FARP2: variants seen among roughly 807,000 people sequenced by gnomAD.
FARP2 encodes FERM, ARHGEF and pleckstrin domain-containing protein 2.
A neutral mutation model predicts 130.5 loss-of-function variants in FARP2; 111 were observed. The observed-to-expected ratio is 0.85, with a 90% CI of 0.73 to 1.00. The LOEUF is 1.00. FARP2 is among the 50% of genes least tolerant of loss of function. FARP2 has a pLI of 0.00. For synonymous variants in FARP2, 504 were observed against 516.9 expected (o/e 0.98, Z 0.34); for missense variants, 1,385 against 1,346.3 (o/e 1.03, Z -0.45).
At chr2:241,437,056 T>C (rs947213406) in intron 12 of FARP2, among the ~76,000 whole-genome samples, 10 of 152,092 alleles carry the variant, frequency 6.6e-5, no homozygotes, top group Non-Finnish European at 1.5e-4. Flanking sequence ...CACAAAATCC[T>C]GACAACTCTC....
chr2:241,435,039 T>G lies in FARP2; in HGVS notation c.1100+9T>G. 1.3e-6 allele frequency: 2 copies of G among 1,517,448 alleles called. No individual in the cohort carries two copies. The highest frequency in any genetic ancestry group is 9.1e-7 in the Non-Finnish European group (1 of 1,103,798). 94.0% of individuals were successfully genotyped at this position (1,517,448 alleles called of 1,614,324 possible). A position where few individuals can be genotyped will look rare whatever the true frequency, so the allele number is the denominator to read the frequency against. On this transcript the variant is annotated intron_variant, in intron 11 of 26. Transcript: ENST00000264042. ...AGAATTCCATATGAAAGGTAAGCTC[T>G]GGCCTTTATGATGTAAAGTGTGTGC...
chr2:241,451,080 G>A (rs2063645795), intron 13 of FARP2, among the ~76,000 whole-genome samples: 1 of 152,142 alleles, frequency 6.6e-6, no homozygotes, highest in African/African-American at 2.4e-5. Context: ...CACCTCCTGA[G>A]TAGCTGGGAC....
chr2:241,418,255 A>T (rs1463764621), intron 8 of FARP2, 146 bp downstream of exon 8: 1 of 783,228 alleles, frequency 1.3e-6, no homozygotes, highest in Admixed American at 2.6e-5. Context: ...ATATCATCCA[A>T]TCCAACCTCT....
chr2:241,405,791 A>G lies in FARP2; in HGVS notation c.331+950A>G, dbSNP rs555913848. Among the ~76,000 whole-genome samples the G allele has an allele frequency of 1.6e-4, 24 of 152,176 alleles. No individual in the cohort carries two copies. The South Asian group carries it at 4.4e-3, about 28-fold the overall frequency. On this transcript the variant is annotated intron_variant, in intron 4 of 26. Coordinates refer to ENST00000264042, the MANE Select transcript of FARP2 (RefSeq NM_014808.4). Reference sequence around the variant, plus strand: ...TCTACTAAAAATACAAAAATTAGCTAGGCGTGATGGCGCATGCCTATAATC... The same window carrying G: ...TCTACTAAAAATACAAAAATTAGCTGGGCGTGATGGCGCATGCCTATAATC...
chr2:241,429,558 T>G (rs1033077691), intron 8 of FARP2, among the ~76,000 whole-genome samples: 2 of 152,150 alleles, frequency 1.3e-5, no homozygotes, highest in Non-Finnish European at 2.9e-5. Context: ...GTAACATTGA[T>G]CACTTGGTCA....
chr2:241,412,379 G>GT (rs1343224676), intron 6 of FARP2, among the ~76,000 whole-genome samples: 1 of 152,122 alleles, frequency 6.6e-6, no homozygotes, highest in Admixed American at 6.5e-5. Flanking sequence ...CAGCCAAACC[G>GT]TATCAAATGT....
At chr2:241,481,313 A>G (rs2064610228) in intron 19 of FARP2, among the ~76,000 whole-genome samples, 1 of 152,218 alleles carries the variant, frequency 6.6e-6, no homozygotes, top group African/African-American at 2.4e-5. Flanking sequence ...TGGGCCAGTT[A>G]CTTTCTGTCA....
chr2:241,465,838 G>A (rs1461572297), intron 17 of FARP2: 2 of 1,535,268 alleles, frequency 1.3e-6, no homozygotes, highest in Admixed American at 2.0e-5. Flanking sequence ...CTCACACCTA[G>A]AGTTCCCAAG....
rs1473796356 is a variant in FARP2, at chr2:241,459,295, T to C, written c.1587+2373T>C. 6.6e-6 allele frequency among the ~76,000 whole-genome samples: 1 copy of C among 152,236 alleles called. No individual in the cohort carries two copies. Among genetic ancestry groups the C allele is most frequent in the Admixed American group, 6.5e-5 (1 of 15,288 alleles). On this transcript the variant is annotated intron_variant, in intron 14 of 26. Transcript: ENST00000264042. This position sits in a 1 kb window ranked among gnomAD's most constrained non-coding sequence, Gnocchi z 5.3. ...GGGGAGACCCCGGCCCCACATTCAC[T>C]GACGGTTCTGCTGGCAAGGCCTGGC...
intron 13 of FARP2, among the ~76,000 whole-genome samples, chr2:241,453,571 GAGA>G (rs1638626111): frequency 6.6e-6 from 1 of 151,308 alleles, no homozygotes; most frequent in African/African-American, 2.4e-5. Flanking sequence ...GCAGTGAGCC[GAGA>G]TCGTGTCACT....
chr2:241,454,866 A>G (rs561899737), intron 13 of FARP2, among the ~76,000 whole-genome samples: 1 of 152,352 alleles, frequency 6.6e-6, no homozygotes, highest in African/African-American at 2.4e-5. Context: ...CTCTGCTATC[A>G]TGAGCACTGA....
chr2:241,462,495 C>T (rs1240035458), intron 14 of FARP2, 28 bp from the exon 15 acceptor site: 1 of 1,566,172 alleles, frequency 6.4e-7, no homozygotes, highest in Admixed American at 1.7e-5. Context: ...CCCAGGGACG[C>T]ACACTTACAG....
intron 7 of FARP2, among the ~76,000 whole-genome samples, chr2:241,414,210 A>T (rs2062604616): frequency 6.6e-6 from 1 of 152,098 alleles, no homozygotes; most frequent in African/African-American, 2.4e-5. Context: ...CTAAGACTTG[A>T]CACTGGTGGG....
intron 1 of FARP2, among the ~76,000 whole-genome samples, chr2:241,359,781 G>A (rs1272823791): frequency 6.6e-6 from 1 of 152,196 alleles, no homozygotes; most frequent in Non-Finnish European, 1.5e-5. Context: ...TGGGGTTGAG[G>A]CCGCTTGTGG....
intron 2 of FARP2, among the ~76,000 whole-genome samples, chr2:241,376,190 C>T (rs2061532427): frequency 6.6e-6 from 1 of 152,308 alleles, no homozygotes; most frequent in East Asian, 1.9e-4. Context: ...CCCTCCAGCC[C>T]ACTTGGCCTC....
intron 2 of FARP2, among the ~76,000 whole-genome samples, chr2:241,375,153 A>G (rs866405783): frequency 3.9e-5 from 6 of 151,978 alleles, no homozygotes; most frequent in African/African-American, 7.3e-5. Flanking sequence ...GAGTTTCACC[A>G]TGTTAGCCAG....
In FARP2 at chr2:241,457,572, TC is replaced by T. The variant is rs1351016508; in HGVS notation, c.1587+651del. On this transcript the variant is annotated intron_variant, in intron 14 of 26. Coordinates refer to ENST00000264042, the MANE Select transcript of FARP2 (RefSeq NM_014808.4). The stretch of plus-strand genomic sequence containing the variant: ...GGACCGCTTTGGGTTCCGGAGAGGC[TC>T]TTGGGCGGGAGACCCAGTGTAGAAA... Among the ~76,000 whole-genome samples the T allele has an allele frequency of 9.2e-3, 845 of 91,462 alleles. 67 individuals are homozygous for T. Among genetic ancestry groups the T allele is most frequent in the East Asian group, 0.027 (46 of 1,728 alleles). 60.0% of individuals were successfully genotyped at this position (91,462 alleles called of 152,430 possible). A position where few individuals can be genotyped will look rare whatever the true frequency, so the allele number is the denominator to read the frequency against.
intron 8 of FARP2, among the ~76,000 whole-genome samples, chr2:241,431,032 C>G (rs2063077571): frequency 1.3e-5 from 2 of 151,616 alleles, no homozygotes; most frequent in Non-Finnish European, 2.9e-5. Flanking sequence ...GCAAATCTTT[C>G]CACTTCTAAT....
At chr2:241,456,606 C>G (rs1400845110) in intron 13 of FARP2, 141 bp from the exon 14 acceptor site, 1 of 727,410 alleles carries the variant, frequency 1.4e-6, no homozygotes, top group Non-Finnish European at 2.4e-6. Flanking sequence ...GTGATAGAGG[C>G]TGTACATACA....
Sources: gnomAD v4.1 joint callset for allele counts (sites outside exome capture counted in the v4.1 genomes callset) on GRCh38, gnomAD v4.1.1 for gene constraint, Gnocchi (gnomAD v3.1) non-coding constraint, MANE v1.5 for transcripts, NCBI Gene and HGNC (gene_info 2026-07-23, HGNC 2026-07-21) for gene names.